Variants in NAA11 observed in about 807,000 individuals in gnomAD.
NAA11 encodes N-alpha-acetyltransferase 11.
A neutral mutation model predicts 16.1 loss-of-function variants in NAA11; 15 were observed. That is an observed-to-expected ratio of 0.93 (90% CI 0.62 to 1.44). The LOEUF (loss-of-function observed/expected upper bound fraction) is 1.44, where lower values mean the gene tolerates loss of function less well. Among genes scored for constraint, NAA11 ranks in the 40% most tolerant of loss-of-function variants. NAA11 has a pLI of 0.00. For synonymous variants in NAA11, 122 were observed against 112.4 expected (o/e 1.09, Z -0.54); for missense variants, 298 against 291.3 (o/e 1.02, Z -0.17).
At chr4:79,212,297 T>C in the NAA11 span, among the ~76,000 whole-genome samples, 1 of 152,228 alleles carries the variant, frequency 6.6e-6, no homozygotes, top group African/African-American at 2.4e-5. Context: ...TCCCCTGTTA[T>C]TAAAGTTTTT....
At chr4:79,232,269 G>A (rs1191881964) in intron 2 of NAA11, among the ~76,000 whole-genome samples, 2 of 151,520 alleles carry the variant, frequency 1.3e-5, no homozygotes, top group Admixed American at 6.6e-5. Context: ...CATAATAAAA[G>A]TTTTTTTTAA....
At chr4:79,203,998 A>C in the NAA11 span, among the ~76,000 whole-genome samples, 2 of 151,872 alleles carry the variant, frequency 1.3e-5, no homozygotes, top group East Asian at 3.9e-4. Context: ...CATAAATTAA[A>C]ATAATATTCA....
At chr4:79,324,348 C>T (rs1469288051) in intron 1 of NAA11, among the ~76,000 whole-genome samples, 1 of 152,110 alleles carries the variant, frequency 6.6e-6, no homozygotes, top group Non-Finnish European at 1.5e-5. Context: ...CAAATTTTGC[C>T]TGATTATCTC....
At chr4:79,202,333 G>A in the NAA11 span, among the ~76,000 whole-genome samples, 1 of 151,158 alleles carries the variant, frequency 6.6e-6, no homozygotes, top group African/African-American at 2.4e-5. Context: ...ATGTTAAGCA[G>A]TGTTCTTTCT....
chr4:79,311,573 G>T (rs1723770658), intron 1 of NAA11, among the ~76,000 whole-genome samples: 1 of 152,266 alleles, frequency 6.6e-6, no homozygotes, highest in East Asian at 1.9e-4. Context: ...TTTTGATAGG[G>T]TTGCTATCTT....
chr4:79,247,518 A>T (rs77456599), intron 2 of NAA11, among the ~76,000 whole-genome samples: 1,931 of 152,204 alleles, frequency 0.013, 43 homozygotes, highest in African/African-American at 0.044. Flanking sequence ...CAGAACCACA[A>T]CTAAGAATAA....
chr4:79,269,529 G>A (rs1376634650), intron 2 of NAA11, among the ~76,000 whole-genome samples: 9 of 149,864 alleles, frequency 6.0e-5, no homozygotes, highest in South Asian at 2.1e-4. Context: ...CATGTCCTTC[G>A]CCCACTTTTT....
chr4:79,284,171 C>A lies in NAA11; in HGVS notation c.*122+9834G>T, dbSNP rs1045951603. On this transcript the variant is annotated intron_variant and NMD_transcript_variant, in intron 2 of 2. Transcript: ENST00000511542. ...CAAACTCTTGAGAAATTTAGCTCAA[C>A]TTTTATCCAACTCTGTAAATTACTA... is the stretch of plus-strand genomic sequence containing the variant. 9.2e-5 allele frequency among the ~76,000 whole-genome samples: 14 copies of A among 152,066 alleles called. No individual in the cohort carries two copies. The South Asian group carries it at 2.9e-3, about 31-fold the overall frequency.
At chr4:79,159,039 C>T in the NAA11 span, among the ~76,000 whole-genome samples, 6 of 152,034 alleles carry the variant, frequency 3.9e-5, no homozygotes, top group African/African-American at 1.2e-4. Flanking sequence ...AAAGACTTCA[C>T]GACCAAGAAC....
At chr4:79,205,449 T>C in the NAA11 span, among the ~76,000 whole-genome samples, 2 of 152,122 alleles carry the variant, frequency 1.3e-5, no homozygotes, top group African/African-American at 4.8e-5. Context: ...CCCTTTTTAA[T>C]AGGATTATTT....
chr4:79,276,931 C>A (rs757259706), intron 2 of NAA11, among the ~76,000 whole-genome samples: 11 of 152,074 alleles, frequency 7.2e-5, no homozygotes, highest in Non-Finnish European at 1.2e-4. Flanking sequence ...CTATTACAAC[C>A]AACAGCGATT....
At chr4:79,233,730 T>G (rs9307489) in intron 2 of NAA11, among the ~76,000 whole-genome samples, 108,305 of 151,934 alleles carry the variant, frequency 0.71, 40,783 homozygotes, top group East Asian at 0.89. Context: ...TTTCCTGCAC[T>G]CTATTCCCCC....
intron 2 of NAA11, among the ~76,000 whole-genome samples, chr4:79,290,091 A>T (rs1182474081): frequency 6.6e-6 from 1 of 152,144 alleles, no homozygotes; most frequent in East Asian, 1.9e-4. Context: ...TTGAGGTGAT[A>T]TAAAGAAGCA....
At chr4:79,271,203 A>G (rs957063015) in intron 2 of NAA11, among the ~76,000 whole-genome samples, 5 of 101,584 alleles carry the variant, frequency 4.9e-5, no homozygotes, top group Non-Finnish European at 1.0e-4. Context: ...AAATCAATGT[A>G]CAAAAATCAC....
the NAA11 span, among the ~76,000 whole-genome samples, chr4:79,160,761 A>G: frequency 6.6e-6 from 1 of 152,182 alleles, no homozygotes; most frequent in Non-Finnish European, 1.5e-5. Context: ...CTGTTATCAG[A>G]TATATATTTG....
At chr4:79,241,219 T>C (rs1721687662) in intron 2 of NAA11, among the ~76,000 whole-genome samples, 1 of 152,200 alleles carries the variant, frequency 6.6e-6, no homozygotes, top group South Asian at 2.1e-4. Flanking sequence ...CACTTTCGCT[T>C]AAATATATTT....
chr4:79,197,713 C>G, the NAA11 span: 2 of 151,968 alleles, frequency 1.3e-5, no homozygotes, highest in Non-Finnish European at 1.5e-5. Context: ...CTTATTATGA[C>G]AGTTCTTGAC....
intron 2 of NAA11, among the ~76,000 whole-genome samples, chr4:79,283,960 G>T (rs1054468497): frequency 6.6e-6 from 1 of 151,930 alleles, no homozygotes; most frequent in Non-Finnish European, 1.5e-5. Flanking sequence ...AGAGCTTAGG[G>T]CTTTTAACAA....
At chr4:79,254,815 A>AT (rs1178226526) in intron 2 of NAA11, among the ~76,000 whole-genome samples, 1 of 152,060 alleles carries the variant, frequency 6.6e-6, no homozygotes, top group East Asian at 1.9e-4. Flanking sequence ...TTAGTCAAAT[A>AT]TTTACATAGA....
Sources: allele counts gnomAD v4.1 joint callset (sites outside exome capture counted in the v4.1 genomes callset), GRCh38; gene constraint gnomAD v4.1.1; transcripts MANE v1.5; gene names NCBI Gene and HGNC (gene_info 2026-07-23, HGNC 2026-07-21).